The following ERICH2 variants were observed in gnomAD, a reference collection of about 807,000 sequenced individuals.
ERICH2 encodes glutamate-rich protein 2.
A neutral mutation model predicts 17.4 loss-of-function variants in ERICH2; 17 were observed. The observed-to-expected ratio is 0.98, with a 90% CI of 0.67 to 1.47. ERICH2 has a LOEUF of 1.47. Among genes scored for constraint, ERICH2 ranks in the 40% most tolerant of loss-of-function variants. The probability of loss-of-function intolerance (pLI) is 0.00; values close to 1 mark genes in which losing one functional copy is unlikely to be tolerated. For synonymous variants in ERICH2, 51 were observed against 61.1 expected, an observed-to-expected ratio of 0.83 and a Z score of 0.77; for missense variants, 186 against 183.2, an observed-to-expected ratio of 1.01 and a Z score of -0.09.
chr2:170,788,951 CTTTCTT>C (rs1321765304), intron 2 of ERICH2, among the ~76,000 whole-genome samples: 1 of 150,476 alleles, frequency 6.6e-6, no homozygotes, highest in Non-Finnish European at 1.5e-5. Context: ...TTCTTTCTTT[CTTTCTT>C]TCTTTATTTT....
At chr2:170,796,717 G>T (rs1352651484) in intron 3 of ERICH2, among the ~76,000 whole-genome samples, 3 of 152,062 alleles carry the variant, frequency 2.0e-5, no homozygotes, top group Non-Finnish European at 4.4e-5. Context: ...GATTACAAGT[G>T]TGAGCCACCA....
the ERICH2 span, among the ~76,000 whole-genome samples, chr2:170,772,244 C>T: frequency 1.3e-5 from 2 of 152,302 alleles, no homozygotes; most frequent in African/African-American, 4.8e-5. Flanking sequence ...CTTCTTTGCC[C>T]CATCCAGTTT....
chr2:170,796,267 A>C (rs1701412819), intron 3 of ERICH2, among the ~76,000 whole-genome samples: 1 of 152,222 alleles, frequency 6.6e-6, no homozygotes, highest in Admixed American at 6.5e-5. Context: ...GCAGGCACGC[A>C]GTCATGCTAA....
chr2:170,779,751 T>C, upstream of ERICH2: 1 of 716,558 alleles, frequency 1.4e-6, no homozygotes, highest in Non-Finnish European at 1.7e-6. Flanking sequence ...TTTTCTAAAA[T>C]GAATAATGAG....
At chr2:170,775,877 A>G in the ERICH2 span, among the ~76,000 whole-genome samples, 2 of 132,094 alleles carry the variant, frequency 1.5e-5, no homozygotes, top group African/African-American at 5.5e-5. Context: ...AATAAAAACA[A>G]TACGAAATAA....
intron 2 of ERICH2, among the ~76,000 whole-genome samples, chr2:170,786,465 A>G (rs1398210491): frequency 6.6e-6 from 1 of 152,068 alleles, no homozygotes; most frequent in Non-Finnish European, 1.5e-5. Context: ...CAATTTAATT[A>G]TGATGTGCCT....
chr2:170,793,065 A>T, intron 3 of ERICH2, 145 bp downstream of exon 8: 1 of 497,048 alleles, frequency 2.0e-6, no homozygotes, highest in Non-Finnish European at 3.6e-6. Flanking sequence ...AATTAGGTTG[A>T]TTGGTATAAG....
chr2:170,773,720 GTAT>G, the ERICH2 span, among the ~76,000 whole-genome samples: 4 of 152,038 alleles, frequency 2.6e-5, no homozygotes, highest in African/African-American at 9.7e-5. Context: ...GTCTGGTATT[GTAT>G]TATTATTGTC....
intron 2 of ERICH2, among the ~76,000 whole-genome samples, chr2:170,789,644 G>A (rs1701238855): frequency 6.6e-6 from 1 of 152,052 alleles, no homozygotes; most frequent in Non-Finnish European, 1.5e-5. Flanking sequence ...AACATCCATT[G>A]CAAGAATTTC....
At chr2:170,793,034 C>G (rs1049644920) in intron 3 of ERICH2, 114 bp downstream of exon 8, 2 of 522,258 alleles carry the variant, frequency 3.8e-6, no homozygotes. Flanking sequence ...CTGATAGTGT[C>G]TCAGTGATTC....
At chr2:170,794,207 A>G (rs1701363098) in intron 3 of ERICH2, among the ~76,000 whole-genome samples, 1 of 145,446 alleles carries the variant, frequency 6.9e-6, no homozygotes, top group Non-Finnish European at 1.5e-5. Flanking sequence ...CCTGAGTTCA[A>G]GTGATTCTTA....
chr2:170,793,046 T>C (rs1221011379), intron 3 of ERICH2, 126 bp downstream of exon 8: 1 of 505,730 alleles, frequency 2.0e-6, no homozygotes, highest in Admixed American at 3.5e-5. Context: ...CAGTGATTCC[T>C]TGATAATAAA....
the ERICH2 span, chr2:170,777,627 AT>A: frequency 2.9e-5 from 35 of 1,227,768 alleles, no homozygotes; most frequent in Middle Eastern, 2.1e-4. Context: ...TACTGAGGGT[AT>A]TTTTTTCTCT....
chr2:170,774,006 G>A, the ERICH2 span, among the ~76,000 whole-genome samples: 2 of 152,170 alleles, frequency 1.3e-5, no homozygotes, highest in African/African-American at 4.8e-5. Context: ...ACAGGTGTGA[G>A]CCACGACACC....
At chr2:170,790,721 T>G (rs1217991259) in intron 2 of ERICH2, among the ~76,000 whole-genome samples, 1 of 151,822 alleles carries the variant, frequency 6.6e-6, no homozygotes, top group Non-Finnish European at 1.5e-5. Flanking sequence ...GGAGAATCAC[T>G]TGAACCCAGG....
intron 2 of ERICH2, among the ~76,000 whole-genome samples, chr2:170,791,206 G>A (rs1243523495): frequency 6.6e-6 from 1 of 152,092 alleles, no homozygotes. Flanking sequence ...AACATACCAT[G>A]TTTAAGACCA....
At chr2:170,798,646 G>T in intron 4 of ERICH2, 124 bp from the exon 10 acceptor site, 1 of 1,204,174 alleles carries the variant, frequency 8.3e-7, no homozygotes. Flanking sequence ...AGTTAGCCAA[G>T]TCCAACTCAG....
chr2:170,789,196 C>A (rs1472058516), intron 2 of ERICH2, among the ~76,000 whole-genome samples: 1 of 151,422 alleles, frequency 6.6e-6, no homozygotes, highest in Non-Finnish European at 1.5e-5. Flanking sequence ...AACTCCTGGC[C>A]TCAGGTGATC....
the ERICH2 span, among the ~76,000 whole-genome samples, chr2:170,773,868 G>A: frequency 1.3e-5 from 2 of 151,992 alleles, no homozygotes; most frequent in African/African-American, 4.8e-5. Context: ...TGAGACTACA[G>A]GCATACACCA....
Sources: gnomAD v4.1 joint callset for allele counts (sites outside exome capture counted in the v4.1 genomes callset) on GRCh38, gnomAD v4.1.1 for gene constraint, MANE v1.5 for transcripts, NCBI Gene and HGNC (gene_info 2026-07-23, HGNC 2026-07-21) for gene names.